Variants in E2F3 observed in about 807,000 individuals in gnomAD.
E2F3 encodes the protein transcription factor E2F3.
Under a neutral mutation model 44.4 loss-of-function variants are expected in E2F3, and 11 were observed. That is an observed-to-expected ratio of 0.25 (90% CI 0.16 to 0.41). The LOEUF is 0.41. Ranked by LOEUF, E2F3 falls within the 10% of genes least tolerant of loss-of-function variation. The pLI is 1.00. For synonymous variants in E2F3, 249 were observed against 253.0 expected, an observed-to-expected ratio of 0.98 and a Z score of 0.15; for missense variants, 487 against 583.6, an observed-to-expected ratio of 0.83 and a Z score of 1.70.
chr6:20,415,925 T>C (rs1406443087), intron 1 of E2F3, among the ~76,000 whole-genome samples: 1 of 152,186 alleles, frequency 6.6e-6, no homozygotes, highest in Non-Finnish European at 1.5e-5. Flanking sequence ...AACTGGGTAA[T>C]TTAAGAGCGA....
At chr6:20,473,240 T>A (rs1347309116) in intron 1 of E2F3, among the ~76,000 whole-genome samples, 1 of 152,240 alleles carries the variant, frequency 6.6e-6, no homozygotes, top group East Asian at 1.9e-4. Flanking sequence ...TAAGGCAATA[T>A]CAACTTAATC....
chr6:20,449,396 T>G (rs1761052767), intron 1 of E2F3, among the ~76,000 whole-genome samples: 1 of 152,216 alleles, frequency 6.6e-6, no homozygotes, highest in Admixed American at 6.5e-5. Context: ...AGGTGACAAC[T>G]AGATGCTATT....
intron 1 of E2F3, chr6:20,403,868 C>T: frequency 1.5e-6 from 2 of 1,300,710 alleles, no homozygotes; most frequent in Non-Finnish European, 2.1e-6. Context: ...CCGCCGACGC[C>T]GCGGGGGCAC....
At chr6:20,458,027 C>T (rs1357932403) in intron 1 of E2F3, among the ~76,000 whole-genome samples, 1 of 152,056 alleles carries the variant, frequency 6.6e-6, no homozygotes, top group Non-Finnish European at 1.5e-5. Flanking sequence ...GAAAAATGAA[C>T]ATGACTTCAT....
intron 2 of E2F3, chr6:20,480,179 G>T: frequency 1.7e-6 from 1 of 583,748 alleles, no homozygotes; most frequent in Non-Finnish European, 2.2e-6. Flanking sequence ...TCTTTTAACT[G>T]TATGTAGTTT....
chr6:20,465,014 C>G (rs1761654568), intron 1 of E2F3, among the ~76,000 whole-genome samples: 1 of 152,216 alleles, frequency 6.6e-6, no homozygotes, highest in African/African-American at 2.4e-5. Context: ...TCCTAGCAAT[C>G]CTTACATTTT....
In E2F3 at chr6:20,454,142, G is replaced by C. The variant is rs546480352; in HGVS notation, c.394-25704G>C. Among the ~76,000 whole-genome samples, 7 of 152,338 alleles carry C rather than the reference G, an allele frequency of 4.6e-5. No individual in the cohort carries two copies. The East Asian group carries it at 1.3e-3, about 29-fold the overall frequency. On this transcript the variant is annotated intron_variant, in intron 1 of 6. Transcript: ENST00000346618. ...GGACCATGCCTTTTATGAGCCCTAA[G>C]AACAGGAGTTATCAAAGTGTGGTCT...
chr6:20,482,714 C>G (rs891264884), intron 3 of E2F3, 48 bp from the exon 4 acceptor site: 1 of 1,518,732 alleles, frequency 6.6e-7, no homozygotes, highest in Non-Finnish European at 8.8e-7. Context: ...TTTCTCCTTC[C>G]CCTCCCTCCC....
chr6:20,462,600 G>T (rs1006833020), intron 1 of E2F3, among the ~76,000 whole-genome samples: 9 of 151,852 alleles, frequency 5.9e-5, no homozygotes, highest in South Asian at 2.1e-4. Context: ...TGGGATTACA[G>T]GTGTCCGCCC....
chr6:20,450,803 A>G (rs577977528), intron 1 of E2F3, among the ~76,000 whole-genome samples: 1 of 152,326 alleles, frequency 6.6e-6, no homozygotes, highest in South Asian at 2.1e-4. Context: ...TGATTTTTAT[A>G]TATGGTATAA....
At chr6:20,482,972 C>A (rs983273054) in intron 4 of E2F3, 52 bp downstream of exon 4, 9 of 1,609,048 alleles carry the variant, frequency 5.6e-6, no homozygotes, top group Middle Eastern at 1.7e-4. Context: ...TAGACTATTT[C>A]CAGAGTTGAC....
At chr6:20,431,259 T>C (rs1011949317) in intron 1 of E2F3, among the ~76,000 whole-genome samples, 4 of 152,170 alleles carry the variant, frequency 2.6e-5, no homozygotes, top group African/African-American at 9.7e-5. Flanking sequence ...AATGGGTCCA[T>C]TGCAGAATCT....
intron 1 of E2F3, among the ~76,000 whole-genome samples, chr6:20,419,026 A>G (rs1424501436): frequency 1.3e-5 from 2 of 152,172 alleles, no homozygotes; most frequent in East Asian, 3.8e-4. Flanking sequence ...TTGCAAATCT[A>G]TATTTTATTT....
intron 1 of E2F3, among the ~76,000 whole-genome samples, chr6:20,460,154 G>A (rs1761451334): frequency 1.3e-5 from 2 of 152,078 alleles, no homozygotes; most frequent in African/African-American, 4.8e-5. Flanking sequence ...AACTTCTCAC[G>A]GGCTGACTGG....
intron 1 of E2F3, among the ~76,000 whole-genome samples, chr6:20,415,474 C>T (rs1321164797): frequency 6.6e-6 from 1 of 152,102 alleles, no homozygotes; most frequent in African/African-American, 2.4e-5. Context: ...GGATCCCTGG[C>T]CTCCGCCCAC....
At chr6:20,484,863 G>A (rs1055754117) in intron 4 of E2F3, among the ~76,000 whole-genome samples, 1 of 150,510 alleles carries the variant, frequency 6.6e-6, no homozygotes, top group Admixed American at 6.6e-5. Flanking sequence ...TGAGGCAGGA[G>A]AATCACTTGA....
chr6:20,436,594 A>G (rs188563201), intron 1 of E2F3, among the ~76,000 whole-genome samples: 1 of 152,272 alleles, frequency 6.6e-6, no homozygotes, highest in Admixed American at 6.5e-5. Flanking sequence ...AGGTTGGACA[A>G]GCTTGTTCTA....
chr6:20,462,557 A>G (rs1182204283), intron 1 of E2F3, among the ~76,000 whole-genome samples: 4 of 151,468 alleles, frequency 2.6e-5, no homozygotes, highest in Non-Finnish European at 5.9e-5. Flanking sequence ...TCCCAGGTTC[A>G]AGCGATTCTC....
At chr6:20,403,548 A>T (rs1759382836) in intron 1 of E2F3, 4 of 428,790 alleles carry the variant, frequency 9.3e-6, no homozygotes, top group Admixed American at 9.3e-5. Flanking sequence ...TGCGCGCAGG[A>T]CGCGCCTGTG....
Sources: allele counts gnomAD v4.1 joint callset (sites outside exome capture counted in the v4.1 genomes callset), GRCh38; gene constraint gnomAD v4.1.1; transcripts MANE v1.5; gene names NCBI Gene and HGNC (gene_info 2026-07-23, HGNC 2026-07-21).